PLCE1: variants seen among roughly 807,000 people sequenced by gnomAD.
The protein encoded by PLCE1 is 1-phosphatidylinositol 4,5-bisphosphate phosphodiesterase epsilon-1.
A neutral mutation model predicts 242.8 loss-of-function variants in PLCE1; 119 were observed. That is an observed-to-expected ratio of 0.49 (90% confidence interval 0.42 to 0.57). The LOEUF (loss-of-function observed/expected upper bound fraction) is 0.57. Among genes scored for constraint, PLCE1 ranks in the 20% least tolerant of loss-of-function variants. The probability of loss-of-function intolerance (pLI) is 0.00; values close to 1 mark genes in which losing one functional copy is unlikely to be tolerated. For synonymous variants in PLCE1, 945 were observed against 1,017.4 expected, an observed-to-expected ratio of 0.93 and a Z score of 1.35; for missense variants, 2,441 against 2,788.8, an observed-to-expected ratio of 0.88 and a Z score of 2.81.
At chr10:94,276,549 G>A (rs7072574) in intron 19 of PLCE1, among the ~76,000 whole-genome samples, 52,340 of 152,004 alleles carry the variant, frequency 0.34, 9,132 homozygotes, top group Middle Eastern at 0.47. Context: ...TGGTGTCTGC[G>A]TAAAAAATAA....
At chr10:94,025,093 A>G (rs11187769) in intron 1 of PLCE1, among the ~76,000 whole-genome samples, 1 of 151,648 alleles carries the variant, frequency 6.6e-6, no homozygotes, top group Non-Finnish European at 1.5e-5. Flanking sequence ...ATTCATTCTC[A>G]TGTTCACCTC....
intron 3 of PLCE1, among the ~76,000 whole-genome samples, chr10:94,133,948 ATTC>A (rs1157498234): frequency 6.6e-6 from 1 of 152,110 alleles, no homozygotes; most frequent in Admixed American, 6.5e-5. Context: ...CCAAGCCTGC[ATTC>A]TTCATCATAC....
In PLCE1 at chr10:94,071,495, G is replaced by GTTTTTTTTTTTTTTTTTT. The variant is rs559496577; in HGVS notation, c.1206+39247_1206+39264dup. ...GTCTGTGTGTGTGTGTTTGGTTTTC[G>GTTTTTTTTTTTTTTTTTT]TTTTTTTTTTTTTTTTTTTTTGAGT... On this transcript the variant is annotated intron_variant, in intron 2 of 32. Transcript: ENST00000371380. Among the ~76,000 whole-genome samples, 27 of 83,308 alleles carry GTTTTTTTTTTTTTTTTTT rather than the reference G, an allele frequency of 3.2e-4. 5 individuals carry two copies. Among genetic ancestry groups the GTTTTTTTTTTTTTTTTTT allele is most frequent in the African/African-American group, 1.2e-3 (22 of 18,670 alleles). 54.7% of individuals were successfully genotyped at this position (83,308 alleles called of 152,430 possible). A position where few individuals can be genotyped will look rare whatever the true frequency, so the allele number is the denominator to read the frequency against.
intron 19 of PLCE1, among the ~76,000 whole-genome samples, chr10:94,274,127 C>T (rs765174467): frequency 2.6e-5 from 4 of 151,984 alleles, no homozygotes; most frequent in Admixed American, 6.5e-5. Flanking sequence ...GTGATCCCAG[C>T]GTATCACTAG....
intron 13 of PLCE1, 71 bp downstream of exon 13, chr10:94,259,221 C>A (rs992526671): frequency 6.9e-7 from 1 of 1,456,356 alleles, no homozygotes; most frequent in African/African-American, 1.4e-5. Context: ...GGTCCAGTCA[C>A]ACAAACTCTG....
intron 3 of PLCE1, among the ~76,000 whole-genome samples, chr10:94,157,908 C>T (rs1329010138): frequency 6.6e-6 from 1 of 152,108 alleles, no homozygotes; most frequent in Non-Finnish European, 1.5e-5. Context: ...TGATGTTCAG[C>T]AAGTTCTTTA....
At chr10:94,023,009 G>A (rs1343929174) in intron 1 of PLCE1, among the ~76,000 whole-genome samples, 1 of 152,136 alleles carries the variant, frequency 6.6e-6, no homozygotes, top group Non-Finnish European at 1.5e-5. Flanking sequence ...CTCTCAATCT[G>A]TGAGGGGGCC....
At chr10:94,210,717 C>T (rs186114424) in intron 4 of PLCE1, among the ~76,000 whole-genome samples, 1 of 152,302 alleles carries the variant, frequency 6.6e-6, no homozygotes, top group Non-Finnish European at 1.5e-5. Context: ...TTTCCTAAAA[C>T]AGATCCTAGC....
At position 94,197,711 on chromosome 10, in the gene PLCE1, A is replaced by T. The variant is rs925156619; in HGVS notation, c.1809+26215A>T. ...TATAATCTCATTCTTGGCTGGGTGCAGTGGCTCACGCCTGTAATCCCAGCA... is the reference window on the plus strand; with the variant it reads ...TATAATCTCATTCTTGGCTGGGTGCTGTGGCTCACGCCTGTAATCCCAGCA... On this transcript the variant is annotated intron_variant, in intron 4 of 32. Coordinates refer to ENST00000371380, the MANE Select transcript of PLCE1 (RefSeq NM_016341.4). Among the ~76,000 whole-genome samples the T allele has an allele frequency of 2.0e-5, 3 of 152,194 alleles. No individual in the cohort carries two copies. In the South Asian group the frequency reaches 6.2e-4, roughly 32 times the overall value.
chr10:94,020,322 C>A (rs891187810), intron 1 of PLCE1, among the ~76,000 whole-genome samples: 1 of 152,078 alleles, frequency 6.6e-6, no homozygotes, highest in African/African-American at 2.4e-5. Flanking sequence ...CTTATTCAAA[C>A]CTTTGCCCAT....
chr10:94,324,513 A>G lies in PLCE1; in HGVS notation c.6666A>G (p.Gln2222=). The G allele has an allele frequency of 2.5e-6, 4 of 1,614,196 alleles. No individual in the cohort carries two copies. Among genetic ancestry groups the G allele is most frequent in the African/African-American group, 1.3e-5 (1 of 75,044 alleles). ...ATCAGGAGTGTGTGTTTCAAGCCCAAAGCAAGTGGAAAGGTGCAGGAAAAT... is the reference window on the plus strand; with the variant it reads ...ATCAGGAGTGTGTGTTTCAAGCCCAGAGCAAGTGGAAAGGTGCAGGAAAAT... ...LLDQECVFQA[Q]SKWKGAGKFI... is the part of the protein sequence containing the mutation. Residue 2222 remains glutamine, a synonymous_variant, in exon 31 of 33, where the codon CAA becomes CAG. Transcript: ENST00000371380.
At chr10:94,056,138 C>G (rs1202429130) in intron 2 of PLCE1, among the ~76,000 whole-genome samples, 3 of 152,106 alleles carry the variant, frequency 2.0e-5, no homozygotes, top group Non-Finnish European at 4.4e-5. Flanking sequence ...TTTGAATTCT[C>G]TAAAAGCTAG....
chr10:93,997,482 C>G (rs116222880), intron 1 of PLCE1, among the ~76,000 whole-genome samples: 1 of 152,056 alleles, frequency 6.6e-6, no homozygotes, highest in Non-Finnish European at 1.5e-5. Flanking sequence ...ACTGAAGCAA[C>G]GAAAGGTCAA....
In PLCE1 at chr10:94,085,942, CAAAT is replaced by C. The variant is rs2044807776; in HGVS notation, c.1207-46229_1207-46226del. On this transcript the variant is annotated intron_variant, in intron 2 of 32. Transcript: ENST00000371380. ...CAAATAATAATACAATTTTAAAAAA[CAAAT>C]AATCGAGAATTTGCATGTTCAAAAT... Among the ~76,000 whole-genome samples the C allele has an allele frequency of 2.6e-5, 4 of 152,266 alleles. No homozygotes were observed. In the South Asian group the frequency reaches 8.3e-4, roughly 32 times the overall value.
At position 94,283,892 on chromosome 10, in the gene PLCE1, C is replaced by A; in HGVS notation, c.4898C>A (p.Ser1633Tyr). ...AAGAGGATAAAGAAAGCAGATAACT[C>A]TGCTTGCAACAAAGGAAAGGTGGGT... ...IPKRIKKADN[S>Y]ACNKGKVYDM... Residue 1633 changes from serine to tyrosine, a missense_variant, in exon 21 of 33, where the codon TCT becomes TAT. Transcript: ENST00000371380. The A allele has an allele frequency of 6.2e-7, 1 of 1,611,792 alleles. No homozygotes were observed. The highest frequency in any genetic ancestry group is 1.1e-5 in the South Asian group (1 of 90,904).
At chr10:94,170,332 TTGAA>T (rs1452672206) in intron 3 of PLCE1, among the ~76,000 whole-genome samples, 1 of 152,208 alleles carries the variant, frequency 6.6e-6, no homozygotes, top group African/African-American at 2.4e-5. Context: ...TTTCCGTTTG[TTGAA>T]TGAATGAATT....
intron 28 of PLCE1, chr10:94,315,182 T>G (rs12220125): frequency 0.27 from 86,296 of 322,926 alleles, 11,819 homozygotes; most frequent in Middle Eastern, 0.4. Context: ...CATTTCATCA[T>G]TTATAGACCA....
chr10:94,220,702 C>A (rs1025933266), intron 4 of PLCE1, among the ~76,000 whole-genome samples: 1 of 152,058 alleles, frequency 6.6e-6, no homozygotes, highest in Non-Finnish European at 1.5e-5. Context: ...TAGTGAACAT[C>A]TATCCCTTAA....
chr10:94,125,863 C>A (rs1391520449), intron 2 of PLCE1, among the ~76,000 whole-genome samples: 1 of 152,148 alleles, frequency 6.6e-6, no homozygotes, highest in Non-Finnish European at 1.5e-5. Context: ...GAAGTCAAGT[C>A]AAGAAAAAGC....
Sources: allele counts gnomAD v4.1 joint callset (sites outside exome capture counted in the v4.1 genomes callset), GRCh38; gene constraint gnomAD v4.1.1; transcripts MANE v1.5; gene names NCBI Gene and HGNC (gene_info 2026-07-23, HGNC 2026-07-21).